The following KCNH7 variants were observed in gnomAD, a reference collection of about 807,000 sequenced individuals.
KCNH7 encodes the protein potassium voltage-gated channel subfamily H member 7, also known as voltage-gated inwardly rectifying potassium channel KCNH7.
A neutral mutation model predicts 120.8 loss-of-function variants in KCNH7; 49 were observed. The observed-to-expected ratio is 0.41, with a 90% CI of 0.32 to 0.51. The LOEUF (loss-of-function observed/expected upper bound fraction) is 0.51. KCNH7 is among the 20% of genes least tolerant of loss of function. The pLI is 0.38. For synonymous variants in KCNH7, 547 were observed against 516.1 expected (o/e 1.06, Z -0.81); for missense variants, 1,097 against 1,446.6 (o/e 0.76, Z 3.92).
intron 6 of KCNH7, among the ~76,000 whole-genome samples, chr2:162,450,770 G>A (rs1688741305): frequency 1.3e-5 from 2 of 152,020 alleles, no homozygotes; most frequent in Non-Finnish European, 2.9e-5. Context: ...GTTTTTGACA[G>A]ATGCATCTGG....
At chr2:162,423,934 C>A (rs929455475) in intron 8 of KCNH7, among the ~76,000 whole-genome samples, 4 of 151,812 alleles carry the variant, frequency 2.6e-5, no homozygotes, top group Admixed American at 6.6e-5. Flanking sequence ...ATTTAAAAAC[C>A]CTTTTTGAAT....
chr2:162,489,147 A>C (rs1019203750), intron 6 of KCNH7, among the ~76,000 whole-genome samples: 1 of 152,218 alleles, frequency 6.6e-6, no homozygotes, highest in Non-Finnish European at 1.5e-5. Flanking sequence ...TAAAAATTCC[A>C]CACTTCTCCT....
intron 8 of KCNH7, among the ~76,000 whole-genome samples, chr2:162,434,921 C>G (rs977632151): frequency 1.3e-5 from 2 of 151,960 alleles, no homozygotes; most frequent in African/African-American, 4.8e-5. Context: ...TACAGATACT[C>G]TTTGTATAGC....
chr2:162,784,378 C>G (rs1172399939), intron 2 of KCNH7, among the ~76,000 whole-genome samples: 1 of 151,988 alleles, frequency 6.6e-6, no homozygotes, highest in Non-Finnish European at 1.5e-5. Context: ...CAGTGTGGAC[C>G]CTGGCATATT....
At chr2:162,431,863 C>T (rs1399887218) in intron 8 of KCNH7, among the ~76,000 whole-genome samples, 3 of 151,810 alleles carry the variant, frequency 2.0e-5, no homozygotes, top group Admixed American at 6.6e-5. Context: ...AAGAAAATTG[C>T]CTAAAATTCC....
intron 2 of KCNH7, among the ~76,000 whole-genome samples, chr2:162,564,440 G>A (rs1433172274): frequency 6.6e-6 from 1 of 152,074 alleles, no homozygotes; most frequent in African/African-American, 2.4e-5. Context: ...CTCTGTCAAC[G>A]TAAAGCAAGC....
intron 2 of KCNH7, among the ~76,000 whole-genome samples, chr2:162,623,940 G>T (rs1683454104): frequency 6.6e-6 from 1 of 152,170 alleles, no homozygotes. Flanking sequence ...TAAATGGAAA[G>T]AATCAGAAAT....
chr2:162,557,200 A>G (rs1243107525), intron 2 of KCNH7, among the ~76,000 whole-genome samples: 1 of 152,232 alleles, frequency 6.6e-6, no homozygotes, highest in African/African-American at 2.4e-5. Context: ...GCTGGCTGCC[A>G]TAGCTGGCTG....
At chr2:162,630,287 C>T (rs1683719269) in intron 2 of KCNH7, among the ~76,000 whole-genome samples, 1 of 151,854 alleles carries the variant, frequency 6.6e-6, no homozygotes, top group African/African-American at 2.4e-5. Context: ...CTTAGAGGAG[C>T]ATAAAGGTTC....
At chr2:162,414,633 G>T (rs1332099310) in intron 9 of KCNH7, among the ~76,000 whole-genome samples, 1 of 151,796 alleles carries the variant, frequency 6.6e-6, no homozygotes, top group Non-Finnish European at 1.5e-5. Context: ...ATGTATATAT[G>T]TCTGTATACA....
At chr2:162,601,187 T>G (rs1694539245) in intron 2 of KCNH7, among the ~76,000 whole-genome samples, 1 of 151,842 alleles carries the variant, frequency 6.6e-6, no homozygotes, top group Non-Finnish European at 1.5e-5. Context: ...GATGCTCCAG[T>G]TTATGAAAGT....
chr2:162,804,985 A>G (rs1684489482), intron 2 of KCNH7, among the ~76,000 whole-genome samples: 3 of 151,972 alleles, frequency 2.0e-5, no homozygotes, highest in Admixed American at 2.0e-4. Context: ...AAGTTGGGGA[A>G]AGGACATCCT....
chr2:162,566,586 A>G (rs1268269763), intron 2 of KCNH7, among the ~76,000 whole-genome samples: 2 of 152,052 alleles, frequency 1.3e-5, no homozygotes, highest in African/African-American at 4.8e-5. Flanking sequence ...TCATTGATTC[A>G]TTATTCATTT....
intron 2 of KCNH7, among the ~76,000 whole-genome samples, chr2:162,809,308 T>G (rs1421628857): frequency 6.6e-6 from 1 of 152,210 alleles, no homozygotes; most frequent in Non-Finnish European, 1.5e-5. Context: ...GTCATAGGTC[T>G]GTTAACATTC....
At chr2:162,567,313 C>T (rs1693290536) in intron 2 of KCNH7, among the ~76,000 whole-genome samples, 1 of 151,954 alleles carries the variant, frequency 6.6e-6, no homozygotes, top group African/African-American at 2.4e-5. Flanking sequence ...TTCCTGCCTT[C>T]CTTTCAGAAA....
intron 2 of KCNH7, among the ~76,000 whole-genome samples, chr2:162,576,956 G>A (rs1349171429): frequency 1.3e-5 from 2 of 151,548 alleles, no homozygotes; most frequent in Admixed American, 6.6e-5. Flanking sequence ...CTGTTGCCCG[G>A]GCTGGAGTAC....
chr2:162,595,534 A>T (rs187286251), intron 2 of KCNH7, among the ~76,000 whole-genome samples: 1 of 152,156 alleles, frequency 6.6e-6, no homozygotes, highest in Non-Finnish European at 1.5e-5. Flanking sequence ...TCATGATAAA[A>T]TCTCTCAACA....
chr2:162,570,378 G>T (rs549078324), intron 2 of KCNH7, among the ~76,000 whole-genome samples: 62 of 151,664 alleles, frequency 4.1e-4, no homozygotes, highest in African/African-American at 1.4e-3. Context: ...TTTTCCATTT[G>T]CTTGGTAGAT....
intron 6 of KCNH7, among the ~76,000 whole-genome samples, chr2:162,449,019 G>A (rs915560671): frequency 1.3e-5 from 2 of 151,976 alleles, no homozygotes; most frequent in African/African-American, 4.8e-5. Flanking sequence ...AAGGGATGAG[G>A]AAGTTGGGAA....
Sources: allele counts gnomAD v4.1 joint callset (sites outside exome capture counted in the v4.1 genomes callset), GRCh38; gene constraint gnomAD v4.1.1; transcripts MANE v1.5; gene names NCBI Gene and HGNC (gene_info 2026-07-23, HGNC 2026-07-21).